PRKCB: variants seen among roughly 807,000 people sequenced by gnomAD.
PRKCB encodes the protein protein kinase C beta type.
A neutral mutation model predicts 81.5 loss-of-function variants in PRKCB; 13 were observed. That is an observed-to-expected ratio of 0.16 (90% CI 0.10 to 0.25). The LOEUF (loss-of-function observed/expected upper bound fraction) is 0.25. PRKCB is among the 10% of genes least tolerant of loss of function. The pLI, the probability that PRKCB is intolerant of heterozygous loss-of-function variation, is 1.00. For missense variants in PRKCB, 509 were observed against 875.7 expected, an observed-to-expected ratio of 0.58 and a Z score of 5.29; for synonymous variants, 335 against 321.4, an observed-to-expected ratio of 1.04 and a Z score of -0.45.
intron 2 of PRKCB, among the ~76,000 whole-genome samples, chr16:23,933,795 C>CATCT (rs1388029666): frequency 1.3e-5 from 2 of 148,538 alleles, no homozygotes; most frequent in African/African-American, 2.5e-5. Flanking sequence ...TCCATCCATC[C>CATCT]ATCCATCCAT....
At chr16:24,142,342 G>A (rs999499) in intron 9 of PRKCB, among the ~76,000 whole-genome samples, 5,662 of 152,312 alleles carry the variant, frequency 0.037, 361 homozygotes, top group African/African-American at 0.13. Flanking sequence ...GTAAAGACGT[G>A]GATGCAGAAG....
chr16:24,026,347 C>A lies in PRKCB; in HGVS notation c.289-5789C>A, dbSNP rs146347236. ...AACACAGAAATGTGTTTCCTTTTCCCTTCCCATTCTTTGTGCTTCTTGGTA... is the reference window on the plus strand; with the variant it reads ...AACACAGAAATGTGTTTCCTTTTCCATTCCCATTCTTTGTGCTTCTTGGTA... On this transcript the variant is annotated intron_variant, in intron 3 of 16. Coordinates refer to ENST00000643927, the MANE Select transcript of PRKCB (RefSeq NM_002738.7). 2.3e-4 allele frequency among the ~76,000 whole-genome samples: 35 copies of A among 152,300 alleles called. No homozygotes were observed. The East Asian group carries it at 5.4e-3, about 23-fold the overall frequency.
intron 2 of PRKCB, among the ~76,000 whole-genome samples, chr16:23,890,864 AG>A (rs1963281990): frequency 6.6e-6 from 1 of 152,076 alleles, no homozygotes; most frequent in African/African-American, 2.4e-5. Flanking sequence ...CTTGTTTAAA[AG>A]CTCACCTGTA....
intron 2 of PRKCB, among the ~76,000 whole-genome samples, chr16:23,875,454 T>A (rs751813862): frequency 6.9e-6 from 1 of 144,862 alleles, no homozygotes. Context: ...TTTCCCTTCC[T>A]AGACATGTTT....
intron 2 of PRKCB, among the ~76,000 whole-genome samples, chr16:23,956,072 A>G (rs1567325212): frequency 6.6e-6 from 1 of 152,218 alleles, no homozygotes; most frequent in South Asian, 2.1e-4. Flanking sequence ...TTTTATAAAT[A>G]TAAGACTTTA....
chr16:24,173,668 G>A (rs1210457041), intron 11 of PRKCB, among the ~76,000 whole-genome samples: 1 of 152,250 alleles, frequency 6.6e-6, no homozygotes, highest in Middle Eastern at 3.4e-3. Context: ...CCAAAGCCCT[G>A]CCCAACCTTT....
At chr16:23,937,199 T>G (rs1311551943) in intron 2 of PRKCB, among the ~76,000 whole-genome samples, 5 of 152,204 alleles carry the variant, frequency 3.3e-5, no homozygotes, top group Admixed American at 1.3e-4. Context: ...CCCTGAGCCC[T>G]ATTAGACTCT....
chr16:23,850,445 A>G (rs1962454236), intron 2 of PRKCB, among the ~76,000 whole-genome samples: 2 of 152,080 alleles, frequency 1.3e-5, no homozygotes, highest in South Asian at 4.2e-4. Flanking sequence ...AGCTCACTGC[A>G]ACCTCCACCT....
intron 2 of PRKCB, among the ~76,000 whole-genome samples, chr16:23,894,109 A>G (rs1963335532): frequency 6.6e-6 from 1 of 152,204 alleles, no homozygotes; most frequent in Non-Finnish European, 1.5e-5. Flanking sequence ...TGATGGTGGT[A>G]TGTCATCTTC....
chr16:24,217,634 T>A lies in PRKCB; in HGVS notation c.*2818T>A. The A allele has an allele frequency of 1.0e-6, 1 of 985,478 alleles. No individual in the cohort carries two copies. Among genetic ancestry groups the A allele is most frequent in the Non-Finnish European group, 1.2e-6 (1 of 829,968 alleles). The allele number at this position is 985,478 out of a possible 1,614,324, so 61.0% of individuals were successfully genotyped here. A position where few individuals can be genotyped will look rare whatever the true frequency, so the allele number is the denominator to read the frequency against. On this transcript the variant is annotated 3_prime_UTR_variant, in exon 17 of 17. Transcript: ENST00000643927. ...AAGTCCTGTCTGGACCATGTGGTTA[T>A]CTGAAGCATTAGCCATCACCAGCAC...
chr16:24,141,326 C>G (rs1322606767), intron 9 of PRKCB, among the ~76,000 whole-genome samples: 2 of 152,152 alleles, frequency 1.3e-5, no homozygotes, highest in African/African-American at 4.8e-5. Context: ...TCCCAAGTAG[C>G]TGGGATTGCA....
chr16:23,975,182 G>A (rs774931233), intron 2 of PRKCB, among the ~76,000 whole-genome samples: 29 of 152,178 alleles, frequency 1.9e-4, no homozygotes, highest in South Asian at 1.2e-3. Context: ...GTCATTCCTC[G>A]TTGCAGAATT....
rs1420866853 is a variant in PRKCB, at chr16:23,988,531, C to A, written c.229C>A (p.Arg77=). 29 of 1,613,940 alleles carry A rather than the reference C, an allele frequency of 1.8e-5. No homozygotes were observed. Among genetic ancestry groups the A allele is most frequent in the Non-Finnish European group, 2.4e-5 (28 of 1,179,972 alleles). Residue 77 remains arginine, a synonymous_variant, in exon 3 of 17, where the codon CGG becomes AGG. Transcript: ENST00000643927. ...CQVCCFVVHK[R]CHEFVTFSCP... is the part of the protein sequence containing the mutation. ...AGTTTGCTGCTTTGTGGTGCACAAG[C>A]GGTGCCATGAATTTGTCACATTCTC... is the stretch of plus-strand genomic sequence containing the variant.
chr16:24,045,143 T>C (rs1229849558), intron 5 of PRKCB, among the ~76,000 whole-genome samples: 4 of 150,768 alleles, frequency 2.7e-5, no homozygotes, highest in Non-Finnish European at 1.5e-5. Context: ...AATCTCCAAA[T>C]AGGAAAAATG....
At chr16:23,912,094 A>T (rs1963667191) in intron 2 of PRKCB, among the ~76,000 whole-genome samples, 2 of 151,920 alleles carry the variant, frequency 1.3e-5, no homozygotes, top group Admixed American at 6.6e-5. Flanking sequence ...CGCCTCCCAA[A>T]GCGCTGGGAT....
At chr16:23,927,509 G>A (rs1428403968) in intron 2 of PRKCB, among the ~76,000 whole-genome samples, 1 of 151,964 alleles carries the variant, frequency 6.6e-6, no homozygotes, top group East Asian at 1.9e-4. Context: ...TACATGATTA[G>A]ATTTGTCTTT....
intron 9 of PRKCB, among the ~76,000 whole-genome samples, chr16:24,151,524 A>T (rs1264180377): frequency 6.6e-6 from 1 of 152,220 alleles, no homozygotes; most frequent in East Asian, 1.9e-4. Flanking sequence ...ACAGTAACTG[A>T]CATAGTTACA....
At chr16:24,013,244 A>C (rs1965229261) in intron 3 of PRKCB, among the ~76,000 whole-genome samples, 1 of 152,230 alleles carries the variant, frequency 6.6e-6, no homozygotes, top group Admixed American at 6.5e-5. Context: ...ACATCTAAAT[A>C]TTAGGTTGGT....
intron 12 of PRKCB, among the ~76,000 whole-genome samples, chr16:24,178,308 C>A (rs1463664364): frequency 6.6e-6 from 1 of 152,194 alleles, no homozygotes; most frequent in Non-Finnish European, 1.5e-5. Context: ...TCTCCATCCA[C>A]CTTTTGAAGC....
Sources: gnomAD v4.1 joint callset for allele counts (sites outside exome capture counted in the v4.1 genomes callset) on GRCh38, gnomAD v4.1.1 for gene constraint, MANE v1.5 for transcripts, NCBI Gene and HGNC (gene_info 2026-07-23, HGNC 2026-07-21) for gene names.